DYRK1A: variants seen among roughly 807,000 people sequenced by gnomAD.
DYRK1A encodes the protein dual specificity tyrosine-phosphorylation-regulated kinase 1A.
Under a neutral mutation model 79.7 loss-of-function variants are expected in DYRK1A, and 9 were observed. That is an observed-to-expected ratio of 0.11 (90% CI 0.07 to 0.20). The LOEUF is 0.20. Among genes scored for constraint, DYRK1A ranks in the 10% least tolerant of loss-of-function variants. The pLI, the probability that DYRK1A is intolerant of heterozygous loss-of-function variation, is 1.00. For missense variants in DYRK1A, 622 were observed against 956.0 expected (o/e 0.65, Z 4.61); for synonymous variants, 349 against 329.7 (o/e 1.06, Z -0.63).
At chr21:37,416,981 C>T (rs1487627860) in intron 1 of DYRK1A, among the ~76,000 whole-genome samples, 1 of 151,834 alleles carries the variant, frequency 6.6e-6, no homozygotes, top group Non-Finnish European at 1.5e-5. Flanking sequence ...TTTTTTTCAT[C>T]TGCTACTTGT....
chr21:37,432,866 C>G (rs1184370440), intron 2 of DYRK1A, among the ~76,000 whole-genome samples: 1 of 151,498 alleles, frequency 6.6e-6, no homozygotes, highest in East Asian at 1.9e-4. Context: ...ATCCCAGCTA[C>G]TCAGGAGGCT....
At position 37,490,210 on chromosome 21, in the gene DYRK1A, C is replaced by T; in HGVS notation, c.673C>T (p.Leu225Phe). 6.2e-7 allele frequency: 1 copy of T among 1,613,508 alleles called. No individual in the cohort carries two copies. Among genetic ancestry groups the T allele is most frequent in the Non-Finnish European group, 8.5e-7 (1 of 1,179,586 alleles). Residue 225 changes from leucine (L) to phenylalanine (F), a missense_variant, in exon 7 of 12, where the codon CTC (leucine) becomes TTC (phenylalanine). Physicochemically the swap from Leu to Phe is conservative, Grantham distance 22. This residue lies in a region of DYRK1A where 138 missense variants were observed against 346.4 expected (regional missense o/e 0.40). Coordinates refer to ENST00000647188, the MANE Select transcript of DYRK1A (RefSeq NM_001347721.2). ...LKRHFMFRNH[L>F]CLVFEMLSYN... ...ACGCCACTTTATGTTTCGAAACCATCTCTGTTTAGTTTTTGAAATGCTGTC... is the reference window on the plus strand; with the variant it reads ...ACGCCACTTTATGTTTCGAAACCATTTCTGTTTAGTTTTTGAAATGCTGTC...
intron 1 of DYRK1A, among the ~76,000 whole-genome samples, chr21:37,368,811 C>T (rs2049370908): frequency 6.6e-6 from 1 of 152,152 alleles, no homozygotes; most frequent in Non-Finnish European, 1.5e-5. Context: ...ATTAGAAATA[C>T]TGGCAAATTT....
chr21:37,488,972 A>G (rs889560169), intron 6 of DYRK1A: 3 of 678,018 alleles, frequency 4.4e-6, no homozygotes, highest in East Asian at 1.4e-4. Flanking sequence ...TATTTTTAGT[A>G]TCGAGTTGTG....
At chr21:37,475,554 T>G (rs1323953112) in intron 3 of DYRK1A, among the ~76,000 whole-genome samples, 1 of 152,240 alleles carries the variant, frequency 6.6e-6, no homozygotes, top group South Asian at 2.1e-4. Flanking sequence ...ATAGGGAGTA[T>G]TACTTGCTTT....
At chr21:37,379,614 G>A (rs2049616035) in intron 1 of DYRK1A, among the ~76,000 whole-genome samples, 1 of 152,140 alleles carries the variant, frequency 6.6e-6, no homozygotes, top group South Asian at 2.1e-4. Flanking sequence ...TTAAATATGA[G>A]CTAAAAAATA....
chr21:37,475,214 A>G (rs2052354397), intron 3 of DYRK1A, among the ~76,000 whole-genome samples: 1 of 152,214 alleles, frequency 6.6e-6, no homozygotes, highest in African/African-American at 2.4e-5. Flanking sequence ...GGAGGAGGTC[A>G]CCTCAACTTC....
At chr21:37,457,749 C>T (rs1169953940) in intron 2 of DYRK1A, among the ~76,000 whole-genome samples, 1 of 152,164 alleles carries the variant, frequency 6.6e-6, no homozygotes, top group East Asian at 1.9e-4. Context: ...TGTTTAACAG[C>T]TGTTTAGCTA....
intron 1 of DYRK1A, among the ~76,000 whole-genome samples, chr21:37,369,019 A>G (rs1173487953): frequency 6.6e-6 from 1 of 152,138 alleles, no homozygotes; most frequent in African/African-American, 2.4e-5. Context: ...GGAATTAAAG[A>G]TATTCCTTGA....
Position 37,493,821 on chromosome 21 carries a change from A to G in DYRK1A, c.1071+658A>G, listed in dbSNP as rs779125368. Among the ~76,000 whole-genome samples the G allele has an allele frequency of 1.2e-4, 18 of 151,984 alleles. No homozygotes were observed. In the East Asian group the frequency reaches 1.7e-3, roughly 15 times the overall value. ...ACAATTTGCACGTCTTGATCAGTCT[A>G]TTTATAAATGAGAAGAGAAAGGCCA... On this transcript the variant is annotated intron_variant, in intron 8 of 11. Transcript: ENST00000647188.
chr21:37,448,408 T>TCCC (rs1569331071), intron 2 of DYRK1A, among the ~76,000 whole-genome samples: 1 of 152,180 alleles, frequency 6.6e-6, no homozygotes, highest in Admixed American at 6.5e-5. Flanking sequence ...TGGTGCCTGG[T>TCCC]CCCCATTTCA....
intron 2 of DYRK1A, among the ~76,000 whole-genome samples, chr21:37,438,118 C>T (rs775511115): frequency 6.6e-6 from 1 of 151,804 alleles, no homozygotes; most frequent in African/African-American, 2.4e-5. Context: ...CTTTTTTGCC[C>T]CCTGTATGTC....
chr21:37,453,217 T>A (rs1391280473), intron 2 of DYRK1A, among the ~76,000 whole-genome samples: 2 of 152,062 alleles, frequency 1.3e-5, no homozygotes, highest in East Asian at 3.8e-4. Context: ...TAAAAAAAAT[T>A]GAGGTATTTT....
intron 5 of DYRK1A, 167 bp downstream of exon 5, chr21:37,480,993 T>G: frequency 1.8e-6 from 1 of 564,948 alleles, no homozygotes; most frequent in East Asian, 3.1e-5. Context: ...GTAGTGATAC[T>G]GCATCAGTAA....
chr21:37,457,797 TC>T (rs146653964), intron 2 of DYRK1A, among the ~76,000 whole-genome samples: 3,775 of 152,264 alleles, frequency 0.025, 158 homozygotes, highest in African/African-American at 0.087. Context: ...TGTATGCTTC[TC>T]CCCTTTTCTC....
chr21:37,499,056 G>A (rs1204729089), intron 9 of DYRK1A, among the ~76,000 whole-genome samples: 1 of 152,090 alleles, frequency 6.6e-6, no homozygotes, highest in Non-Finnish European at 1.5e-5. Context: ...TCCCTAGACT[G>A]TGGCTTTGCC....
chr21:37,476,785 T>G (rs538523506), intron 3 of DYRK1A, among the ~76,000 whole-genome samples: 1 of 151,352 alleles, frequency 6.6e-6, no homozygotes, highest in East Asian at 2.0e-4. Context: ...TTCTGATGAT[T>G]TTTGTCAGAC....
intron 9 of DYRK1A, among the ~76,000 whole-genome samples, chr21:37,498,948 C>G (rs2053357200): frequency 6.6e-6 from 1 of 152,008 alleles, no homozygotes; most frequent in Non-Finnish European, 1.5e-5. Context: ...TATTCTTTGT[C>G]ACAGGTCTTT....
rs754846308 is a variant in DYRK1A at position 37,496,167 on chromosome 21, A to G, written c.1121A>G (p.His374Arg). The G allele has an allele frequency of 2.5e-6, 4 of 1,614,120 alleles. No homozygotes were observed. The highest frequency in any genetic ancestry group is 1.1e-5 in the South Asian group (1 of 91,062). ...IVEVLGIPPAHILDQAPKARK... is the reference protein window; with the variant it reads ...IVEVLGIPPARILDQAPKARK... Reference sequence around the variant, plus strand: ...GAAGTTCTGGGTATTCCACCTGCTCATATTCTTGACCAAGCACCAAAAGCA... The same window carrying G: ...GAAGTTCTGGGTATTCCACCTGCTCGTATTCTTGACCAAGCACCAAAAGCA... The change falls in exon 9 of 12, where the codon CAT (histidine) becomes CGT (arginine). Residue 374 changes from histidine to arginine, a missense_variant. Around this residue, in one of 5 missense-constraint regions of DYRK1A, gnomAD observed 80 missense variants for 116.5 expected, o/e 0.69. Coordinates refer to ENST00000647188, the MANE Select transcript of DYRK1A (RefSeq NM_001347721.2).
Sources: allele counts gnomAD v4.1 joint callset (sites outside exome capture counted in the v4.1 genomes callset), GRCh38; gene constraint gnomAD v4.1.1; regional missense constraint gnomAD v4.1.1; transcripts MANE v1.5; gene names NCBI Gene and HGNC (gene_info 2026-07-23, HGNC 2026-07-21).